ULK4: variants seen among roughly 807,000 people sequenced by gnomAD.
The protein encoded by ULK4 is unc-51 like kinase 4, also known as inactive serine/threonine-protein kinase ULK4.
Under a neutral mutation model 160.6 loss-of-function variants are expected in ULK4, and 133 were observed. The observed-to-expected ratio is 0.83, with a 90% CI of 0.72 to 0.96. The LOEUF is 0.96. Among genes scored for constraint, ULK4 ranks in the 40% least tolerant of loss-of-function variants. The pLI is 0.00. For synonymous variants in ULK4, 534 were observed against 539.8 expected, an observed-to-expected ratio of 0.99 and a Z score of 0.15; for missense variants, 1,580 against 1,499.5, an observed-to-expected ratio of 1.05 and a Z score of -0.89.
At chr3:41,640,875 G>C (rs981746671) in intron 30 of ULK4, among the ~76,000 whole-genome samples, 3 of 152,098 alleles carry the variant, frequency 2.0e-5, no homozygotes, top group African/African-American at 7.2e-5. Context: ...TCAATTCACT[G>C]GAGTGAAGAT....
intron 17 of ULK4, among the ~76,000 whole-genome samples, chr3:41,840,209 G>A (rs2041868887): frequency 6.6e-6 from 1 of 152,146 alleles, no homozygotes; most frequent in South Asian, 2.1e-4. Context: ...CGGGAGGATG[G>A]CTTGAGTTCA....
chr3:41,253,473 T>C (rs1015079148), intron 35 of ULK4, among the ~76,000 whole-genome samples: 1 of 151,668 alleles, frequency 6.6e-6, no homozygotes, highest in Non-Finnish European at 1.5e-5. Flanking sequence ...AAGTATTTTA[T>C]AACTCCAAGA....
At chr3:41,765,374 C>G (rs946129094) in intron 21 of ULK4, among the ~76,000 whole-genome samples, 2 of 151,944 alleles carry the variant, frequency 1.3e-5, no homozygotes, top group African/African-American at 2.4e-5. Context: ...CACTTGGACA[C>G]AGGGTGGGGA....
chr3:41,690,637 C>T (rs1303610887), intron 27 of ULK4, among the ~76,000 whole-genome samples: 1 of 151,524 alleles, frequency 6.6e-6, no homozygotes, highest in Admixed American at 6.6e-5. Context: ...CTTATGCAGA[C>T]AAATTTTAGC....
intron 34 of ULK4, among the ~76,000 whole-genome samples, chr3:41,398,795 T>G (rs952111234): frequency 2.0e-5 from 3 of 152,028 alleles, no homozygotes; most frequent in Admixed American, 2.0e-4. Context: ...TTAAAAAGTT[T>G]TTTTTATTAT....
intron 18 of ULK4, among the ~76,000 whole-genome samples, chr3:41,827,542 A>C (rs1407842188): frequency 3.3e-5 from 5 of 152,036 alleles, no homozygotes; most frequent in Admixed American, 3.3e-4. Context: ...TAAACTAGAA[A>C]ATCTAGAATA....
At chr3:41,888,908 AC>A (rs1167855410) in intron 16 of ULK4, among the ~76,000 whole-genome samples, 1 of 152,162 alleles carries the variant, frequency 6.6e-6, no homozygotes, top group Non-Finnish European at 1.5e-5. Context: ...GGCCCCACCT[AC>A]CCACATACCA....
chr3:41,869,732 AAC>A (rs1244678865), intron 17 of ULK4, among the ~76,000 whole-genome samples: 1 of 152,226 alleles, frequency 6.6e-6, no homozygotes, highest in Non-Finnish European at 1.5e-5. Context: ...TATGTTATAA[AAC>A]ACACATTTTT....
chr3:41,451,180 C>T (rs1328856804), intron 34 of ULK4, among the ~76,000 whole-genome samples: 1 of 152,036 alleles, frequency 6.6e-6, no homozygotes, highest in Non-Finnish European at 1.5e-5. Flanking sequence ...GGACCCTGTG[C>T]TTTTACATAT....
At chr3:41,898,945 T>C (rs1698259367) in intron 13 of ULK4, among the ~76,000 whole-genome samples, 1 of 152,176 alleles carries the variant, frequency 6.6e-6, no homozygotes, top group East Asian at 1.9e-4. Flanking sequence ...TATTTCACAA[T>C]TCAAAACATG....
intron 35 of ULK4, among the ~76,000 whole-genome samples, chr3:41,385,317 C>A (rs998880166): frequency 1.3e-5 from 2 of 151,846 alleles, no homozygotes; most frequent in Admixed American, 1.3e-4. Flanking sequence ...TCAATGGCAA[C>A]AGAAACTTGA....
At chr3:41,533,296 T>G (rs1490593274) in intron 32 of ULK4, among the ~76,000 whole-genome samples, 1 of 152,202 alleles carries the variant, frequency 6.6e-6, no homozygotes, top group Non-Finnish European at 1.5e-5. Flanking sequence ...GAGAAGTTAT[T>G]TGACATAGTA....
At chr3:41,394,816 A>G (rs2082022963) in intron 35 of ULK4, among the ~76,000 whole-genome samples, 1 of 152,074 alleles carries the variant, frequency 6.6e-6, no homozygotes, top group South Asian at 2.1e-4. Context: ...TTGGCCCAAC[A>G]CTGACTGACC....
chr3:41,392,791 A>C (rs1291599734), intron 35 of ULK4, among the ~76,000 whole-genome samples: 2 of 152,100 alleles, frequency 1.3e-5, no homozygotes, highest in Non-Finnish European at 2.9e-5. Context: ...TGGTCAAGAA[A>C]ATGCATTTGT....
chr3:41,757,801 G>C (rs145500665), intron 21 of ULK4, among the ~76,000 whole-genome samples: 4,222 of 151,748 alleles, frequency 0.028, 191 homozygotes, highest in African/African-American at 0.097. Flanking sequence ...CTAATTTTTT[G>C]TATTTTTAGT....
At chr3:41,455,664 C>T in intron 33 of ULK4, 69 bp from the exon 34 acceptor site, 1 of 1,446,328 alleles carries the variant, frequency 6.9e-7, no homozygotes, top group African/African-American at 1.4e-5. Flanking sequence ...GGAAACAGGA[C>T]CACTCCATCG....
At chr3:41,361,471 G>T (rs1326210359) in intron 35 of ULK4, among the ~76,000 whole-genome samples, 1 of 152,126 alleles carries the variant, frequency 6.6e-6, no homozygotes, top group Non-Finnish European at 1.5e-5. Context: ...GCCTGACAGT[G>T]GGCCATTCTT....
intron 17 of ULK4, among the ~76,000 whole-genome samples, chr3:41,863,021 C>T (rs2042539586): frequency 6.6e-6 from 1 of 151,268 alleles, no homozygotes; most frequent in South Asian, 2.1e-4. Flanking sequence ...GCCAGCCAGG[C>T]CTGTCCTTCC....
intron 32 of ULK4, among the ~76,000 whole-genome samples, chr3:41,524,329 G>C (rs1404524384): frequency 6.6e-6 from 1 of 152,158 alleles, no homozygotes; most frequent in Non-Finnish European, 1.5e-5. Flanking sequence ...GTACAGAAAT[G>C]AGTGAGGTCA....
Sources: allele counts gnomAD v4.1 joint callset (sites outside exome capture counted in the v4.1 genomes callset), GRCh38; gene constraint gnomAD v4.1.1; transcripts MANE v1.5; gene names NCBI Gene and HGNC (gene_info 2026-07-23, HGNC 2026-07-21).